Variants in EDNRB observed in about 807,000 individuals in gnomAD.
EDNRB encodes the protein endothelin receptor type B, also known as Hirschsprung disease 2.
In EDNRB, 18 loss-of-function variants were observed where a neutral mutation model predicts 46.4. The observed-to-expected ratio is 0.39, with a 90% CI of 0.27 to 0.57. The LOEUF is 0.57. EDNRB is among the 20% of genes least tolerant of loss of function. EDNRB has a pLI of 0.61. For missense variants in EDNRB, 434 were observed against 537.5 expected, an observed-to-expected ratio of 0.81 and a Z score of 1.90; for synonymous variants, 213 against 204.9, an observed-to-expected ratio of 1.04 and a Z score of -0.34.
chr13:77,933,243 A>G (rs1014337710), intron 1 of EDNRB, among the ~76,000 whole-genome samples: 69 of 152,240 alleles, frequency 4.5e-4, no homozygotes, highest in Non-Finnish European at 7.3e-4. Flanking sequence ...CCGTGTGAAG[A>G]GACCACCAAA....
intron 1 of EDNRB, among the ~76,000 whole-genome samples, chr13:77,937,326 C>T (rs751426411): frequency 1.3e-4 from 20 of 152,200 alleles, no homozygotes; most frequent in Non-Finnish European, 2.2e-4. Flanking sequence ...GGGAACTGCT[C>T]TAATGCCTTC....
intron 1 of EDNRB, chr13:77,975,242 G>A (rs1168303718): frequency 6.6e-6 from 1 of 152,344 alleles, no homozygotes; most frequent in African/African-American, 2.4e-5. Context: ...TTCAAACCAA[G>A]TCAAAACCAA....
In EDNRB at chr13:77,907,973, G is replaced by A. The variant is rs756371144; in HGVS notation, c.484-4366C>T. Among the ~76,000 whole-genome samples the A allele has an allele frequency of 8.0e-4, 112 of 139,582 alleles. 7 individuals are homozygous for A. The highest frequency in any genetic ancestry group is 2.3e-4 in the South Asian group (1 of 4,300). 91.6% of individuals were successfully genotyped at this position (139,582 alleles called of 152,430 possible). On this transcript the variant is annotated intron_variant, in intron 1 of 6. Coordinates refer to ENST00000646607, the MANE Select transcript of EDNRB (RefSeq NM_001122659.3). ...AGATAGTCAGACACGTAATCACCAC[G>A]GAGAGATTACAGTTTTCTAGTCTAC...
intron 1 of EDNRB, among the ~76,000 whole-genome samples, chr13:77,973,005 G>A (rs1345708676): frequency 1.3e-5 from 2 of 152,108 alleles, no homozygotes; most frequent in African/African-American, 4.8e-5. Flanking sequence ...CTTTTGATGA[G>A]AACGTGATCT....
At chr13:77,912,888 G>C (rs1183450405) in intron 1 of EDNRB, among the ~76,000 whole-genome samples, 1 of 151,876 alleles carries the variant, frequency 6.6e-6, no homozygotes, top group East Asian at 1.9e-4. Context: ...TATTAAACTG[G>C]GATAAATTAG....
chr13:77,896,465 C>T lies in EDNRB; in HGVS notation c.*1735G>A. On this transcript the variant is annotated 3_prime_UTR_variant, in exon 7 of 7. Coordinates refer to ENST00000646607, the MANE Select transcript of EDNRB (RefSeq NM_001122659.3). ...AATTAATTATTATTGCTCTTTCTTT[C>T]TGGCCACATTGTTGGGTTTTGGTTT... 6.4e-7 allele frequency: 1 copy of T among 1,574,070 alleles called. No individual in the cohort carries two copies. The highest frequency in any genetic ancestry group is 8.6e-7 in the Non-Finnish European group (1 of 1,157,846).
At chr13:77,907,850 C>G (rs1879359971) in intron 1 of EDNRB, among the ~76,000 whole-genome samples, 1 of 151,466 alleles carries the variant, frequency 6.6e-6, no homozygotes, top group Non-Finnish European at 1.5e-5. Context: ...CTCTTCATAC[C>G]ACTGGAGGCC....
Position 77,918,238 on chromosome 13 carries a change from G to T in EDNRB, c.336C>A (p.Phe112Leu), listed in dbSNP as rs1879914204. The T allele has an allele frequency of 6.2e-7, 1 of 1,613,966 alleles. No individual in the cohort carries two copies. The highest frequency in any genetic ancestry group is 8.5e-7 in the Non-Finnish European group (1 of 1,180,022). Residue 112 changes from phenylalanine to leucine, a missense_variant, in exon 1 of 7, where the codon TTC becomes TTA. Physicochemically the swap from Phe to Leu is conservative, Grantham distance 22 (BLOSUM62 0). Transcript: ENST00000646607. This position sits in a 1 kb window ranked among gnomAD's most constrained non-coding sequence, Gnocchi z 4.5. ...YINTVVSCLVFVLGIIGNSTL... is the reference protein window; with the variant it reads ...YINTVVSCLVLVLGIIGNSTL... Reference sequence around the variant, plus strand: ...TGGAGTTCCCGATGATCCCCAGCACGAACACAAGGCAGGACACAACCGTGT... The same window carrying T: ...TGGAGTTCCCGATGATCCCCAGCACTAACACAAGGCAGGACACAACCGTGT...
chr13:77,899,099 A>G (rs1215136241), intron 6 of EDNRB, among the ~76,000 whole-genome samples: 2 of 151,892 alleles, frequency 1.3e-5, no homozygotes, highest in African/African-American at 4.8e-5. Flanking sequence ...TATGTCTTAT[A>G]AAATGAGGGT....
rs2137599294 is a variant in EDNRB at position 77,898,187 on chromosome 13, A to C, written c.*13T>G. 6.2e-7 allele frequency: 1 copy of C among 1,610,560 alleles called. No individual in the cohort carries two copies. Reference sequence around the variant, plus strand: ...AATATAAAGAAAATGAAATACAGTGAATAGTTCTTCTTTCAAGATGAGCTG... The same window carrying C: ...AATATAAAGAAAATGAAATACAGTGCATAGTTCTTCTTTCAAGATGAGCTG... On this transcript the variant is annotated 3_prime_UTR_variant, in exon 7 of 7. Transcript: ENST00000646607.
intron 1 of EDNRB, among the ~76,000 whole-genome samples, chr13:77,940,220 T>A (rs1293707567): frequency 2.0e-5 from 3 of 152,076 alleles, no homozygotes; most frequent in Non-Finnish European, 4.4e-5. Context: ...GAATGACATA[T>A]GAGCTTCACT....
chr13:77,971,190 C>T (rs1003039543), intron 1 of EDNRB, among the ~76,000 whole-genome samples: 14 of 152,280 alleles, frequency 9.2e-5, no homozygotes, highest in South Asian at 4.1e-4. Context: ...AGCAAGGTGG[C>T]GGGGTTTAGG....
At chr13:77,958,766 G>A (rs1450148538) in intron 1 of EDNRB, among the ~76,000 whole-genome samples, 1 of 152,194 alleles carries the variant, frequency 6.6e-6, no homozygotes. Flanking sequence ...CTAACATTTT[G>A]AGGAATGACT....
chr13:77,921,066 T>C (rs1034787431), upstream of EDNRB, among the ~76,000 whole-genome samples: 1 of 152,194 alleles, frequency 6.6e-6, no homozygotes, highest in African/African-American at 2.4e-5. Flanking sequence ...TTTGGACTGT[T>C]AACCACAACT....
At chr13:77,966,212 A>T (rs1364416462) in intron 1 of EDNRB, among the ~76,000 whole-genome samples, 1 of 152,050 alleles carries the variant, frequency 6.6e-6, no homozygotes, top group Non-Finnish European at 1.5e-5. Flanking sequence ...TCTTTCTAAG[A>T]CTCAGTAATA....
chr13:77,934,553 C>T (rs1286088742), intron 1 of EDNRB, among the ~76,000 whole-genome samples: 1 of 151,916 alleles, frequency 6.6e-6, no homozygotes, highest in Non-Finnish European at 1.5e-5. Flanking sequence ...GGAAAGGCCT[C>T]TACCCATCTA....
rs780355308 is a variant in EDNRB, at chr13:77,918,263, T to C, written c.311A>G (p.Asn104Ser). Residue 104 changes from asparagine (N) to serine (S), a missense_variant, in exon 1 of 7, where the codon AAC (asparagine) becomes AGC (serine). Asn to Ser is a conservative substitution (Grantham distance 46). Transcript: ENST00000646607. The surrounding 1 kb of genome is among the most constrained non-coding windows in gnomAD (Gnocchi z 4.5). Reference sequence around the variant, plus strand: ...GAACACAAGGCAGGACACAACCGTGTTGATGTATTTGAAAGTCTCCTTGAT... The same window carrying C: ...GAACACAAGGCAGGACACAACCGTGCTGATGTATTTGAAAGTCTCCTTGAT... ...IEIKETFKYI[N>S]TVVSCLVFVL... The C allele has an allele frequency of 2.5e-6, 4 of 1,614,016 alleles. No homozygotes were observed. Among genetic ancestry groups the C allele is most frequent in the South Asian group, 2.2e-5 (2 of 91,072 alleles).
chr13:77,922,070 T>C (rs1333885016), upstream of EDNRB, among the ~76,000 whole-genome samples: 1 of 152,184 alleles, frequency 6.6e-6, no homozygotes, highest in Admixed American at 6.5e-5. Flanking sequence ...TTGTATCAAA[T>C]TTTAAGAATT....
chr13:77,905,194 G>A (rs1322877921), intron 1 of EDNRB, among the ~76,000 whole-genome samples: 1 of 151,834 alleles, frequency 6.6e-6, no homozygotes, highest in East Asian at 1.9e-4. Context: ...GACAGGGAGT[G>A]GGGTGGGGTC....
Sources: allele counts gnomAD v4.1 joint callset (sites outside exome capture counted in the v4.1 genomes callset), GRCh38; gene constraint gnomAD v4.1.1; non-coding constraint Gnocchi (gnomAD v3.1); transcripts MANE v1.5; gene names NCBI Gene and HGNC (gene_info 2026-07-23, HGNC 2026-07-21).